Variants in SH3TC1 observed in about 807,000 individuals in gnomAD.
SH3TC1 encodes the protein SH3 domain and tetratricopeptide repeat-containing protein 1.
A neutral mutation model predicts 117.3 loss-of-function variants in SH3TC1; 135 were observed. The observed-to-expected ratio is 1.15, with a 90% CI of 1.00 to 1.33. The LOEUF (loss-of-function observed/expected upper bound fraction) is 1.33. Among genes scored for constraint, SH3TC1 ranks in the 40% most tolerant of loss-of-function variants. SH3TC1 has a pLI of 0.00. For synonymous variants in SH3TC1, 898 were observed against 816.9 expected (o/e 1.10, Z -1.69); for missense variants, 2,092 against 1,794.3 (o/e 1.17, Z -3.00).
At chr4:8,199,567 C>T (rs937971450) in intron 1 of SH3TC1, among the ~76,000 whole-genome samples, 162 bp downstream of exon 1, 3 of 152,200 alleles carry the variant, frequency 2.0e-5, no homozygotes, top group African/African-American at 7.2e-5. Flanking sequence ...GGGAGGTCGT[C>T]GGCACCCTCA....
In SH3TC1 at chr4:8,205,382, C is replaced by T. The variant is rs1385472657; in HGVS notation, c.172+16C>T. On this transcript the variant is annotated intron_variant, in intron 2 of 17. Coordinates refer to ENST00000245105, the MANE Select transcript of SH3TC1 (RefSeq NM_018986.5). This position sits in a 1 kb window ranked among gnomAD's most constrained non-coding sequence, Gnocchi z 5.4. ...GTGAGAGGCGGTGAGTTCATTCCAC[C>T]CTCACCACCCGCCCTCCATCCCACC... 5.2e-6 allele frequency: 8 copies of T among 1,536,082 alleles called. No homozygotes were observed. The East Asian group carries it at 1.2e-4, about 24-fold the overall frequency.
chr4:8,238,386 G>T (rs563707663), intron 17 of SH3TC1, among the ~76,000 whole-genome samples: 1 of 152,196 alleles, frequency 6.6e-6, no homozygotes, highest in Non-Finnish European at 1.5e-5. Flanking sequence ...AACTGGGACC[G>T]GCAGACTCGG....
chr4:8,220,393 G>C (rs1719805878), intron 9 of SH3TC1, among the ~76,000 whole-genome samples: 1 of 151,930 alleles, frequency 6.6e-6, no homozygotes, highest in African/African-American at 2.4e-5. Context: ...CCTCTGGGGG[G>C]GGCACTCTTC....
chr4:8,189,356 G>A (rs1462743736), intron 1 of SH3TC1, among the ~76,000 whole-genome samples: 4 of 152,274 alleles, frequency 2.6e-5, no homozygotes, highest in African/African-American at 7.2e-5. Flanking sequence ...CAGGAGGGGC[G>A]GAGCATGCTG....
intron 17 of SH3TC1, among the ~76,000 whole-genome samples, chr4:8,238,166 G>A (rs1475682747): frequency 3.3e-5 from 5 of 152,180 alleles, no homozygotes; most frequent in Middle Eastern, 3.4e-3. Context: ...CTGGAGTCCC[G>A]AGACACCTTG....
chr4:8,216,083 C>A (rs761615889), intron 5 of SH3TC1, 28 bp from the exon 6 acceptor site: 1 of 1,610,506 alleles, frequency 6.2e-7, no homozygotes, highest in South Asian at 1.1e-5. Context: ...TTCTGGAGCC[C>A]TCGGGTGACT....
Position 8,212,022 on chromosome 4 carries a change from C to T in SH3TC1, c.248-679C>T, listed in dbSNP as rs146947834. ...TCAGACCCGCCAAGGCTCAGAACCA[C>T]GATGGGGGCAGGAGTGGGGTGGGGG... On this transcript the variant is annotated intron_variant, in intron 3 of 17. Transcript: ENST00000245105. 2.5e-3 allele frequency among the ~76,000 whole-genome samples: 378 copies of T among 151,614 alleles called. 5 individuals carry two copies. The East Asian group carries it at 0.025, about 10-fold the overall frequency.
At chr4:8,238,892 T>C (rs1231343806) in intron 17 of SH3TC1, among the ~76,000 whole-genome samples, 2 of 152,120 alleles carry the variant, frequency 1.3e-5, no homozygotes, top group Non-Finnish European at 2.9e-5. Context: ...CTGGGCCTCA[T>C]GGTGACTGTG....
Position 8,227,948 on chromosome 4 carries a change from C to T in SH3TC1, c.2254C>T (p.Leu752Phe), listed in dbSNP as rs773451811. Residue 752 changes from leucine (L) to phenylalanine (F), a missense_variant, in exon 12 of 18, where the codon CTC becomes TTC. Physicochemically the swap from Leu to Phe is conservative, Grantham distance 22. Transcript: ENST00000245105. ...AGSLRSVNLV[L>F]QNAPQPHSLP... ...CTCGCTGAGGAGTGTGAACCTGGTG[C>T]TCCAGAACGCCCCCCAGCCCCACAG... The T allele has an allele frequency of 2.5e-6, 4 of 1,612,604 alleles. No homozygotes were observed. Among genetic ancestry groups the T allele is most frequent in the Non-Finnish European group, 3.4e-6 (4 of 1,179,942 alleles).
chr4:8,237,418 C>T, intron 16 of SH3TC1, 56 bp from the exon 17 acceptor site: 2 of 1,428,976 alleles, frequency 1.4e-6, no homozygotes, highest in Non-Finnish European at 1.8e-6. Flanking sequence ...CCGGGGTCTG[C>T]ATGCCTGCCC....
At position 8,222,824 on chromosome 4, in the gene SH3TC1, A is replaced by G. The variant is rs1720066616; in HGVS notation, c.1113-16A>G. On this transcript the variant is annotated splice_polypyrimidine_tract_variant and intron_variant, in intron 9 of 17. Transcript: ENST00000245105. The stretch of plus-strand genomic sequence containing the variant: ...GCAAATATGTTGTTTTGAATAAAGC[A>G]CTTTATTTTTTCCAGGTTGGAAAGT... 3 of 1,607,694 alleles carry G rather than the reference A, an allele frequency of 1.9e-6. No individual in the cohort carries two copies. In the East Asian group the frequency reaches 6.7e-5, roughly 36 times the overall value.
chr4:8,191,909 G>A (rs745865868), intron 1 of SH3TC1, among the ~76,000 whole-genome samples: 42 of 152,044 alleles, frequency 2.8e-4, no homozygotes, highest in Non-Finnish European at 4.7e-4. Flanking sequence ...GTGGAGCTGG[G>A]GTCCGGCCGG....
rs1452100913 is a variant in SH3TC1 at position 8,206,629 on chromosome 4, G to T, written c.172+1263G>T. Among the ~76,000 whole-genome samples, 1 of 152,138 alleles carries T rather than the reference G, an allele frequency of 6.6e-6. No homozygotes were observed. Among genetic ancestry groups the T allele is most frequent in the Non-Finnish European group, 1.5e-5 (1 of 68,006 alleles). ...GAATCTCTGTGGACCGAGCGGAGGG[G>T]AGCTGAGGAAACTTTCCCTGCTTGG... On this transcript the variant is annotated intron_variant, in intron 2 of 17. Coordinates refer to ENST00000245105, the MANE Select transcript of SH3TC1 (RefSeq NM_018986.5). The surrounding 1 kb of genome is among the most constrained non-coding windows in gnomAD (Gnocchi z 5.5).
intron 4 of SH3TC1, among the ~76,000 whole-genome samples, chr4:8,213,499 G>A (rs10805203): frequency 6.6e-6 from 1 of 152,010 alleles, no homozygotes; most frequent in African/African-American, 2.4e-5. Context: ...TGCTCAACAC[G>A]TGGGGCTGTC....
chr4:8,199,954 C>T (rs1272115366), intron 1 of SH3TC1, among the ~76,000 whole-genome samples: 1 of 152,214 alleles, frequency 6.6e-6, no homozygotes, highest in East Asian at 1.9e-4. Flanking sequence ...CCTGAAAATT[C>T]CAGGGAGGGT....
rs573435364 is a variant in SH3TC1 at position 8,219,523 on chromosome 4, G to A, written c.1105G>A (p.Val369Met). 1.3e-4 allele frequency: 204 copies of A among 1,557,050 alleles called. 2 individuals carry two copies. The South Asian group carries it at 2.2e-3, about 17-fold the overall frequency. The change falls in exon 9 of 18, where the codon GTG becomes ATG. Residue 369 changes from valine to methionine, a missense_variant. Coordinates refer to ENST00000245105, the MANE Select transcript of SH3TC1 (RefSeq NM_018986.5). ...RSSLISMQGP[V>M]SELESAIFLN... ...CAGCCTCATCAGCATGCAGGGCCCC[G>A]TGTCCGAGTGAGTGGCTGGAGCCCC...
At position 8,219,326 on chromosome 4, in the gene SH3TC1, C is replaced by G; in HGVS notation, c.917-9C>G. ...TCCCTGGCACTCACCATGTGGCTTT[C>G]TTCCGCAGCTGTGGGCCTGGCCTCG... On this transcript the variant is annotated splice_polypyrimidine_tract_variant and intron_variant, in intron 8 of 17. Transcript: ENST00000245105. The G allele has an allele frequency of 6.4e-7, 1 of 1,571,398 alleles. No homozygotes were observed. The highest frequency in any genetic ancestry group is 8.7e-7 in the Non-Finnish European group (1 of 1,153,430).
At chr4:8,185,338 A>G (rs1025606227) in intron 1 of SH3TC1, among the ~76,000 whole-genome samples, 41 of 152,128 alleles carry the variant, frequency 2.7e-4, no homozygotes, top group African/African-American at 8.4e-4. Context: ...CTCCGTCTCA[A>G]AAAAAACAAA....
upstream of SH3TC1, among the ~76,000 whole-genome samples, chr4:8,197,503 G>A (rs369841148): frequency 2.0e-5 from 3 of 152,192 alleles, no homozygotes; most frequent in East Asian, 5.8e-4. Context: ...TGGGAGCTGC[G>A]GCCCCTCTGC....
Sources: gnomAD v4.1 joint callset for allele counts (sites outside exome capture counted in the v4.1 genomes callset) on GRCh38, gnomAD v4.1.1 for gene constraint, Gnocchi (gnomAD v3.1) non-coding constraint, MANE v1.5 for transcripts, NCBI Gene and HGNC (gene_info 2026-07-23, HGNC 2026-07-21) for gene names.